The following EHBP1 variants were observed in gnomAD, a reference collection of about 807,000 sequenced individuals.
EHBP1 encodes the protein EH domain binding protein 1.
Under a neutral mutation model 144.0 loss-of-function variants are expected in EHBP1, and 55 were observed. The observed-to-expected ratio is 0.38, with a 90% confidence interval of 0.31 to 0.48. The LOEUF is 0.48. Ranked by LOEUF, EHBP1 falls within the 20% of genes least tolerant of loss-of-function variation. EHBP1 has a pLI of 0.98. For missense variants in EHBP1, 1,200 were observed against 1,364.2 expected (o/e 0.88, Z 1.90); for synonymous variants, 469 against 472.7 (o/e 0.99, Z 0.10).
intron 2 of EHBP1, among the ~76,000 whole-genome samples, chr2:62,725,769 C>G (rs925494296): frequency 1.3e-5 from 2 of 152,080 alleles, no homozygotes; most frequent in Non-Finnish European, 2.9e-5. Context: ...AAAACTTGCC[C>G]ATGCACACAC....
Position 63,040,990 on chromosome 2 carries a change from T to C in EHBP1, c.3277+2174T>C, listed in dbSNP as rs532316026. On this transcript the variant is annotated intron_variant, in intron 21 of 22. Transcript: ENST00000431489. Reference sequence around the variant, plus strand: ...TTTCTTTTATTTTAAAGTTCATTTCTCTTTTCCCATCCCTCCTACTTAGTA... The same window carrying C: ...TTTCTTTTATTTTAAAGTTCATTTCCCTTTTCCCATCCCTCCTACTTAGTA... Among the ~76,000 whole-genome samples, 3 of 152,350 alleles carry C rather than the reference T, an allele frequency of 2.0e-5. No individual in the cohort carries two copies. In the South Asian group the frequency reaches 6.2e-4, roughly 32 times the overall value.
intron 21 of EHBP1, among the ~76,000 whole-genome samples, chr2:63,040,883 T>A (rs2061631683): frequency 1.3e-5 from 2 of 152,192 alleles, no homozygotes; most frequent in South Asian, 4.1e-4. Flanking sequence ...TGGACACACA[T>A]TCAGATGAAT....
Position 62,838,483 on chromosome 2 carries a change from C to T in EHBP1, c.634+7325C>T, listed in dbSNP as rs564879865. ...AAAGCTAGCAGAAGGCAAGAAACAA[C>T]TAAAATCAGAGCAGAACTGAAGGAA... On this transcript the variant is annotated intron_variant, in intron 7 of 22. Transcript: ENST00000431489. Among the ~76,000 whole-genome samples, 18 of 152,160 alleles carry T rather than the reference C, an allele frequency of 1.2e-4. No homozygotes were observed. The South Asian group carries it at 3.7e-3, about 32-fold the overall frequency.
intron 10 of EHBP1, among the ~76,000 whole-genome samples, chr2:62,934,934 A>G (rs1350861649): frequency 6.6e-6 from 1 of 152,156 alleles, no homozygotes; most frequent in African/African-American, 2.4e-5. Context: ...GCATTTCTTC[A>G]TGGAGAAAGA....
intron 5 of EHBP1, chr2:62,771,715 T>G (rs2041677040): frequency 6.5e-6 from 1 of 155,036 alleles, no homozygotes; most frequent in South Asian, 2.0e-4. Flanking sequence ...CTTACTCATC[T>G]TTTTATCTGT....
At chr2:62,907,201 G>A (rs759198754) in intron 10 of EHBP1, among the ~76,000 whole-genome samples, 1 of 152,218 alleles carries the variant, frequency 6.6e-6, no homozygotes, top group Non-Finnish European at 1.5e-5. Context: ...AGTGTTCTAA[G>A]AAACTGCCAA....
chr2:62,843,885 CT>C (rs2048104450), intron 7 of EHBP1, among the ~76,000 whole-genome samples: 1 of 152,092 alleles, frequency 6.6e-6, no homozygotes, highest in Non-Finnish European at 1.5e-5. Context: ...GTGGCAATAA[CT>C]TAAATACAGT....
At chr2:62,756,479 C>A (rs1024646963) in intron 3 of EHBP1, among the ~76,000 whole-genome samples, 1 of 151,996 alleles carries the variant, frequency 6.6e-6, no homozygotes, top group Non-Finnish European at 1.5e-5. Flanking sequence ...TATGAAAATG[C>A]TGTTTTAGGC....
intron 5 of EHBP1, among the ~76,000 whole-genome samples, chr2:62,820,608 T>TTTTGTG (rs1239985421): frequency 1.3e-5 from 2 of 151,464 alleles, no homozygotes; most frequent in East Asian, 3.9e-4. Flanking sequence ...ATATTTGTCC[T>TTTTGTG]TTTGTGTTTG....
At chr2:63,030,732 C>G (rs770970461) in intron 19 of EHBP1, among the ~76,000 whole-genome samples, 4 of 149,538 alleles carry the variant, frequency 2.7e-5, no homozygotes, top group Non-Finnish European at 5.9e-5. Flanking sequence ...ATCTAATGAT[C>G]TGCCTGCCTC....
At chr2:62,876,327 G>C (rs193054899) in intron 10 of EHBP1, among the ~76,000 whole-genome samples, 2 of 152,268 alleles carry the variant, frequency 1.3e-5, no homozygotes, top group East Asian at 3.9e-4. Flanking sequence ...CCTATATTCA[G>C]CATTCATAAA....
intron 7 of EHBP1, among the ~76,000 whole-genome samples, chr2:62,853,006 C>CT (rs1338891118): frequency 2.0e-5 from 3 of 152,146 alleles, no homozygotes; most frequent in Admixed American, 1.3e-4. Flanking sequence ...CTATGGTTTA[C>CT]TTTGACTATC....
chr2:63,016,302 A>G (rs2060480931), intron 19 of EHBP1, among the ~76,000 whole-genome samples: 1 of 152,164 alleles, frequency 6.6e-6, no homozygotes. Context: ...AACTGTGTCA[A>G]GATTTTAGTT....
At chr2:62,917,805 A>T (rs2054756441) in intron 10 of EHBP1, among the ~76,000 whole-genome samples, 1 of 152,038 alleles carries the variant, frequency 6.6e-6, no homozygotes. Flanking sequence ...AATGTATAGG[A>T]GCATAACAGA....
chr2:63,026,331 T>TGTG (rs2060977282), intron 19 of EHBP1, among the ~76,000 whole-genome samples: 1 of 151,432 alleles, frequency 6.6e-6, no homozygotes, highest in Non-Finnish European at 1.5e-5. Flanking sequence ...TGTGTGTGTG[T>TGTG]GTGTGTGTGT....
intron 19 of EHBP1, among the ~76,000 whole-genome samples, chr2:63,007,702 G>A (rs1322132048): frequency 6.6e-6 from 1 of 151,702 alleles, no homozygotes; most frequent in East Asian, 1.9e-4. Flanking sequence ...AATAGAAAGT[G>A]TATATTATGG....
At chr2:62,947,945 T>A in intron 12 of EHBP1, among the ~76,000 whole-genome samples, 1 of 152,222 alleles carries the variant, frequency 6.6e-6, no homozygotes. Context: ...AAGCTCAATA[T>A]GGATTAGTCT....
intron 5 of EHBP1, chr2:62,771,754 G>C (rs2041680984): frequency 6.5e-6 from 1 of 152,794 alleles, no homozygotes; most frequent in Non-Finnish European, 1.5e-5. Context: ...TTATCACATA[G>C]CAGATACTCA....
intron 1 of EHBP1, among the ~76,000 whole-genome samples, chr2:62,693,708 A>G (rs1352055649): frequency 6.6e-6 from 1 of 152,158 alleles, no homozygotes; most frequent in Non-Finnish European, 1.5e-5. Flanking sequence ...CTATCAAACA[A>G]TAGAACATAT....
Sources: gnomAD v4.1 joint callset for allele counts (sites outside exome capture counted in the v4.1 genomes callset) on GRCh38, gnomAD v4.1.1 for gene constraint, MANE v1.5 for transcripts, NCBI Gene and HGNC (gene_info 2026-07-23, HGNC 2026-07-21) for gene names.